Variants in FEM1A observed in about 807,000 individuals in gnomAD.
FEM1A encodes the protein fem-1 homolog A.
Under a neutral mutation model 0.7 loss-of-function variants are expected in FEM1A, and 1 was observed. The observed-to-expected ratio is 1.35, with a 90% CI of 0.48 to 6.40. The LOEUF (loss-of-function observed/expected upper bound fraction) is 6.40. FEM1A is among the 30% of genes most tolerant of loss of function. The pLI is 0.14. For synonymous variants in FEM1A, 391 were observed against 420.6 expected (o/e 0.93, Z 0.86); for missense variants, 721 against 918.7 (o/e 0.78, Z 2.78).
Position 4,792,985 on chromosome 19 carries a change from C to T in FEM1A, c.1131C>T (p.Ile377=). Reference sequence around the variant, plus strand: ...AGATGCGCATGCAGGCCCTGTTGATCCGGGAGCGCATCCTCGGTCCCTCGC... The same window carrying T: ...AGATGCGCATGCAGGCCCTGTTGATTCGGGAGCGCATCCTCGGTCCCTCGC... ...PDEMRMQALL[I]RERILGPSHP... The change falls in exon 1 of 1, where the codon ATC becomes ATT. Residue 377 remains isoleucine (I), a synonymous_variant. Transcript: ENST00000269856. This position sits in a 1 kb window ranked among gnomAD's most constrained non-coding sequence, Gnocchi z 6.7. 2.5e-6 allele frequency: 4 copies of T among 1,612,984 alleles called. No individual in the cohort carries two copies. The highest frequency in any genetic ancestry group is 1.3e-5 in the African/African-American group (1 of 74,980).
In FEM1A at chr19:4,792,457, G is replaced by A. The variant is rs1433954274; in HGVS notation, c.603G>A (p.Leu201=). The change falls in exon 1 of 1, where the codon CTG becomes CTA. Residue 201 remains leucine, a synonymous_variant. Transcript: ENST00000269856. The surrounding 1 kb of genome is among the most constrained non-coding windows in gnomAD (Gnocchi z 6.7). Reference sequence around the variant, plus strand: ...CCGGCAGCCTGGAGATCCTGCAGCTGCTGCTGGGGTGCAAGGCCCGCATGG... The same window carrying A: ...CCGGCAGCCTGGAGATCCTGCAGCTACTGCTGGGGTGCAAGGCCCGCATGG... ...AESGSLEILQ[L]LLGCKARMER... 1.3e-6 allele frequency: 2 copies of A among 1,596,836 alleles called. No individual in the cohort carries two copies. Among genetic ancestry groups the A allele is most frequent in the Non-Finnish European group, 1.7e-6 (2 of 1,179,624 alleles).
At position 4,795,095 on chromosome 19, in the gene FEM1A, C is replaced by A. The variant is rs2093559590; in HGVS notation, c.*1231C>A. The A allele has an allele frequency of 6.0e-6, 1 of 167,120 alleles. No individual in the cohort carries two copies. Among genetic ancestry groups the A allele is most frequent in the Non-Finnish European group, 1.5e-5 (1 of 68,154 alleles). 10.4% of individuals were successfully genotyped at this position (167,120 alleles called of 1,614,324 possible). ...GACGTCGAGTGCCAAGACCAGCCTT[C>A]CAGCCGAGGTTTGGACAAAGTCTCA... is the stretch of plus-strand genomic sequence containing the variant. On this transcript the variant is annotated 3_prime_UTR_variant, in exon 1 of 1. Transcript: ENST00000269856.
chr19:4,792,376 C>T lies in FEM1A; in HGVS notation c.522C>T (p.Ala174=). 1 of 1,595,168 alleles carries T rather than the reference C, an allele frequency of 6.3e-7. No individual in the cohort carries two copies. Among genetic ancestry groups the T allele is most frequent in the African/African-American group, 1.3e-5 (1 of 74,980 alleles). Residue 174 remains alanine (A), a synonymous_variant, in exon 1 of 1, where the codon GCC becomes GCT. Transcript: ENST00000269856. The surrounding 1 kb of genome is among the most constrained non-coding windows in gnomAD (Gnocchi z 6.7). ...CCCGCTACCTGCTGGAGCAGGGCGC[C>T]CAGGTGAACCGGCGCAGCGCCAAGG... ...EIARYLLEQG[A]QVNRRSAKGN... is the part of the protein sequence containing the mutation.
chr19:4,793,898 C>T lies in FEM1A; in HGVS notation c.*34C>T, dbSNP rs1447344825. 6.4e-7 allele frequency: 1 copy of T among 1,561,114 alleles called. No homozygotes were observed. Among genetic ancestry groups the T allele is most frequent in the Admixed American group, 1.9e-5 (1 of 52,608 alleles). Reference sequence around the variant, plus strand: ...GAACGCCTGCACCCTCACCTCTCCCCTCTCCTGCTGAGATGGGGGAAATCC... The same window carrying T: ...GAACGCCTGCACCCTCACCTCTCCCTTCTCCTGCTGAGATGGGGGAAATCC... On this transcript the variant is annotated 3_prime_UTR_variant, in exon 1 of 1. Coordinates refer to ENST00000269856, the MANE Select transcript of FEM1A (RefSeq NM_018708.3). The surrounding 1 kb of genome is among the most constrained non-coding windows in gnomAD (Gnocchi z 5.1).
chr19:4,792,558 TCCAGGAGCAGCCCGG>T lies in FEM1A; in HGVS notation c.715_729del (p.Pro239_Gln243del). On this transcript the variant is annotated inframe_deletion, in exon 1 of 1. Transcript: ENST00000269856. This position sits in a 1 kb window ranked among gnomAD's most constrained non-coding sequence, Gnocchi z 6.7. ...CACACCAACATCGTGGAGTACCTCA[TCCAGGAGCAGCCCGG>T]CCAGGAGCAGGTCGCAGGGGGAGAG... 2 of 1,605,402 alleles carry T rather than the reference TCCAGGAGCAGCCCGG, an allele frequency of 1.2e-6. No individual in the cohort carries two copies. Among genetic ancestry groups the T allele is most frequent in the South Asian group, 2.2e-5 (2 of 90,974 alleles).
Position 4,792,753 on chromosome 19 carries a change from C to T in FEM1A, c.899C>T (p.Ala300Val). ...CPTSREAAVE[A>V]LELLGATYVD... The stretch of plus-strand genomic sequence containing the variant: ...ACCAGCCGGGAAGCTGCCGTGGAAG[C>T]CTTGGAATTGCTGGGAGCTACGTAT... The change falls in exon 1 of 1, where the codon GCC becomes GTC. Residue 300 changes from alanine (A) to valine (V), a missense_variant. Ala to Val is a moderately conservative substitution (Grantham distance 64, BLOSUM62 0). Transcript: ENST00000269856. The surrounding 1 kb of genome is among the most constrained non-coding windows in gnomAD (Gnocchi z 6.7). 6.2e-7 allele frequency: 1 copy of T among 1,612,112 alleles called. No homozygotes were observed. Among genetic ancestry groups the T allele is most frequent in the Non-Finnish European group, 8.5e-7 (1 of 1,179,902 alleles).
At position 4,792,154 on chromosome 19, in the gene FEM1A, G is replaced by C. The variant is rs759074958; in HGVS notation, c.300G>C (p.Arg100=). Residue 100 remains arginine (R), a synonymous_variant, in exon 1 of 1, where the codon CGG becomes CGC. Coordinates refer to ENST00000269856, the MANE Select transcript of FEM1A (RefSeq NM_018708.3). This position sits in a 1 kb window ranked among gnomAD's most constrained non-coding sequence, Gnocchi z 6.7. Reference sequence around the variant, plus strand: ...CAGCCGGCCACCTGGACGTGGTGCGGAGCCTGCTGCGCCGCGGGGCCTCGG... The same window carrying C: ...CAGCCGGCCACCTGGACGTGGTGCGCAGCCTGCTGCGCCGCGGGGCCTCGG... The part of the protein sequence containing the change: ...ASAAGHLDVV[R]SLLRRGASVN... The C allele has an allele frequency of 6.6e-7, 1 of 1,517,510 alleles. No homozygotes were observed. Among genetic ancestry groups the C allele is most frequent in the African/African-American group, 1.4e-5 (1 of 71,886 alleles). 94.0% of individuals were successfully genotyped at this position (1,517,510 alleles called of 1,614,324 possible). A position where few individuals can be genotyped will look rare whatever the true frequency, so the allele number is the denominator to read the frequency against.
rs909745214 is a variant in FEM1A at position 4,799,534 on chromosome 19, G to C, written c.*5670G>C. The C allele has an allele frequency of 2.0e-5, 3 of 152,392 alleles. No homozygotes were observed. The highest frequency in any genetic ancestry group is 4.8e-5 in the African/African-American group (2 of 41,444). The allele number at this position is 152,392 out of a possible 1,614,324, so 9.4% of individuals were successfully genotyped here. On this transcript the variant is annotated 3_prime_UTR_variant, in exon 1 of 1. Transcript: ENST00000269856. ...ATGACCCAATCCTAGTAGCCCAGGA[G>C]TGGGATGTGCCAATTGGCTTGGCCT...
chr19:4,792,876 C>G lies in FEM1A; in HGVS notation c.1022C>G (p.Pro341Arg). ...QGGEYLPKPE[P>R]PQLVLAYDYS... is the part of the protein sequence containing the mutation. ...GGCGAGTACCTGCCCAAACCGGAGC[C>G]CCCACAGCTGGTCCTGGCCTATGAC... The change falls in exon 1 of 1, where the codon CCC becomes CGC. Residue 341 changes from proline (P) to arginine (R), a missense_variant. Transcript: ENST00000269856. The surrounding 1 kb of genome is among the most constrained non-coding windows in gnomAD (Gnocchi z 6.7). 1 of 1,612,302 alleles carries G rather than the reference C, an allele frequency of 6.2e-7. No individual in the cohort carries two copies. Among genetic ancestry groups the G allele is most frequent in the Non-Finnish European group, 8.5e-7 (1 of 1,180,004 alleles).
rs1170134854 is a variant in FEM1A, at chr19:4,791,824, G to T, written c.-31G>T. 2.1e-6 allele frequency: 3 copies of T among 1,454,910 alleles called. No homozygotes were observed. Among genetic ancestry groups the T allele is most frequent in the African/African-American group, 3.0e-5 (2 of 67,644 alleles). The allele number at this position is 1,454,910 out of a possible 1,614,324, so 90.1% of individuals were successfully genotyped here. ...TCCTCCGTCTCCCCGTCCCCCGGCGGCCGGCCCATGGCCTGGCGGAGGCCC... is the reference window on the plus strand; with the variant it reads ...TCCTCCGTCTCCCCGTCCCCCGGCGTCCGGCCCATGGCCTGGCGGAGGCCC... On this transcript the variant is annotated 5_prime_UTR_variant, in exon 1 of 1. Transcript: ENST00000269856.
At position 4,794,091 on chromosome 19, in the gene FEM1A, C is replaced by T. The variant is rs2093558211; in HGVS notation, c.*227C>T. 1.8e-6 allele frequency: 1 copy of T among 552,974 alleles called. No individual in the cohort carries two copies. The highest frequency in any genetic ancestry group is 3.3e-6 in the Non-Finnish European group (1 of 300,984). 34.3% of individuals were successfully genotyped at this position (552,974 alleles called of 1,614,324 possible). On this transcript the variant is annotated 3_prime_UTR_variant, in exon 1 of 1. Coordinates refer to ENST00000269856, the MANE Select transcript of FEM1A (RefSeq NM_018708.3). Reference sequence around the variant, plus strand: ...TAAGAGGACAGTCTTTCTCCGGGAGCCCGCTCACTCATTCTGAGTTAGGAA... The same window carrying T: ...TAAGAGGACAGTCTTTCTCCGGGAGTCCGCTCACTCATTCTGAGTTAGGAA...
rs1468139123 is a variant in FEM1A at position 4,793,091 on chromosome 19, T to G, written c.1237T>G (p.Trp413Gly). Residue 413 changes from tryptophan to glycine, a missense_variant, in exon 1 of 1, where the codon TGG becomes GGG. By Grantham distance (184) the Trp-to-Gly change is radical. Coordinates refer to ENST00000269856, the MANE Select transcript of FEM1A (RefSeq NM_018708.3). The surrounding 1 kb of genome is among the most constrained non-coding windows in gnomAD (Gnocchi z 5.1). ...SGNFERCIRL[W>G]KYALDMQQSN... ...CAATTTCGAGCGCTGCATCCGCTTG[T>G]GGAAGTACGCCCTGGACATGCAACA... 13 of 1,613,584 alleles carry G rather than the reference T, an allele frequency of 8.1e-6. No homozygotes were observed. The highest frequency in any genetic ancestry group is 1.1e-5 in the Non-Finnish European group (13 of 1,180,012).
rs753360313 is a variant in FEM1A, at chr19:4,792,268, G to A, written c.414G>A (p.Glu138=). 3 of 1,554,638 alleles carry A rather than the reference G, an allele frequency of 1.9e-6. No homozygotes were observed. Among genetic ancestry groups the A allele is most frequent in the Middle Eastern group, 2.3e-4 (1 of 4,348 alleles). ...AGGTGGTGCGCTACCTGGTCGGCGAGCACCAGGCCGACCTGGAGGTGGCCA... is the reference window on the plus strand; with the variant it reads ...AGGTGGTGCGCTACCTGGTCGGCGAACACCAGGCCGACCTGGAGGTGGCCA... ...HLEVVRYLVG[E]HQADLEVANR... is the part of the protein sequence containing the mutation. The change falls in exon 1 of 1, where the codon GAG becomes GAA. Residue 138 remains glutamate (E), a synonymous_variant. Transcript: ENST00000269856. The surrounding 1 kb of genome is among the most constrained non-coding windows in gnomAD (Gnocchi z 6.7).
chr19:4,795,407 AT>A lies in FEM1A; in HGVS notation c.*1545del, dbSNP rs2093560057. ...TTTTTTTTTTTTGCCGTGTTAGGAA[AT>A]TATTTATTAATTTACAAGACAGGTT... On this transcript the variant is annotated 3_prime_UTR_variant, in exon 1 of 1. Coordinates refer to ENST00000269856, the MANE Select transcript of FEM1A (RefSeq NM_018708.3). 6.1e-6 allele frequency: 1 copy of A among 163,496 alleles called. No individual in the cohort carries two copies. The highest frequency in any genetic ancestry group is 1.5e-5 in the Non-Finnish European group (1 of 67,432). The allele number at this position is 163,496 out of a possible 1,614,324, so 10.1% of individuals were successfully genotyped here. A position where few individuals can be genotyped will look rare whatever the true frequency, so the allele number is the denominator to read the frequency against.
In FEM1A at chr19:4,798,005, C is replaced by A. The variant is rs970011902; in HGVS notation, c.*4141C>A. 6.6e-6 allele frequency: 1 copy of A among 151,408 alleles called. No individual in the cohort carries two copies. The highest frequency in any genetic ancestry group is 1.5e-5 in the Non-Finnish European group (1 of 67,964). 9.4% of individuals were successfully genotyped at this position (151,408 alleles called of 1,614,324 possible). On this transcript the variant is annotated 3_prime_UTR_variant, in exon 1 of 1. Coordinates refer to ENST00000269856, the MANE Select transcript of FEM1A (RefSeq NM_018708.3). ...ATCCCAGCACTTTGGGAGGCCAAGG[C>A]GGGCGGATCACGAGGTCAGGAGATC... is the stretch of plus-strand genomic sequence containing the variant.
chr19:4,801,139 A>G lies in FEM1A; in HGVS notation c.*7275A>G, dbSNP rs567168234. ...CCCTCCCTCCACCCTGTGCCTTGAT[A>G]TCTCCTATTAAAGCTTGTGTTTGAA... On this transcript the variant is annotated 3_prime_UTR_variant, in exon 1 of 1. Coordinates refer to ENST00000269856, the MANE Select transcript of FEM1A (RefSeq NM_018708.3). 1 of 152,142 alleles carries G rather than the reference A, an allele frequency of 6.6e-6. No individual in the cohort carries two copies. The highest frequency in any genetic ancestry group is 1.5e-5 in the Non-Finnish European group (1 of 68,030). The allele number at this position is 152,142 out of a possible 1,614,324, so 9.4% of individuals were successfully genotyped here.
Position 4,800,834 on chromosome 19 carries a change from A to C in FEM1A, c.*6970A>C, listed in dbSNP as rs2146156537. The C allele has an allele frequency of 6.6e-6, 1 of 152,116 alleles. No homozygotes were observed. The highest frequency in any genetic ancestry group is 2.4e-5 in the African/African-American group (1 of 41,562). 9.4% of individuals were successfully genotyped at this position (152,116 alleles called of 1,614,324 possible). On this transcript the variant is annotated 3_prime_UTR_variant, in exon 1 of 1. Transcript: ENST00000269856. Reference sequence around the variant, plus strand: ...CATCACAGGCCGAAAAGGCCAGATGACCCACCAGGGACATTGAATCCGTGT... The same window carrying C: ...CATCACAGGCCGAAAAGGCCAGATGCCCCACCAGGGACATTGAATCCGTGT...
Position 4,793,287 on chromosome 19 carries a change from C to T in FEM1A, c.1433C>T (p.Ala478Val). ...LTKGVREVER[A>V]LQLPREPGDS... The stretch of plus-strand genomic sequence containing the variant: ...AAAGGGGTCCGGGAAGTGGAACGGG[C>T]CCTGCAGCTGCCCAGGGAGCCCGGA... Residue 478 changes from alanine to valine, a missense_variant, in exon 1 of 1, where the codon GCC becomes GTC. Coordinates refer to ENST00000269856, the MANE Select transcript of FEM1A (RefSeq NM_018708.3). The surrounding 1 kb of genome is among the most constrained non-coding windows in gnomAD (Gnocchi z 5.1). 6.2e-7 allele frequency: 1 copy of T among 1,613,162 alleles called. No homozygotes were observed. Among genetic ancestry groups the T allele is most frequent in the South Asian group, 1.1e-5 (1 of 91,070 alleles).
At position 4,792,641 on chromosome 19, in the gene FEM1A, G is replaced by T. The variant is rs781087489; in HGVS notation, c.787G>T (p.Gly263Trp). The T allele has an allele frequency of 3.7e-6, 6 of 1,612,076 alleles. No homozygotes were observed. The South Asian group carries it at 5.5e-5, about 15-fold the overall frequency. Reference protein sequence around the residue: ...LPQEDPSTSQGCAQPQGAPCC... With the variant: ...LPQEDPSTSQWCAQPQGAPCC... ...CCAAGAAGACCCCTCCACCAGCCAGGGGTGTGCGCAGCCTCAGGGGGCTCC... is the reference window on the plus strand; with the variant it reads ...CCAAGAAGACCCCTCCACCAGCCAGTGGTGTGCGCAGCCTCAGGGGGCTCC... Residue 263 changes from glycine to tryptophan, a missense_variant, in exon 1 of 1, where the codon GGG becomes TGG. By Grantham distance (184) the Gly-to-Trp change is radical (BLOSUM62 -2). This residue lies in a region of FEM1A where 137 missense variants were observed against 121.7 expected (regional missense o/e 1.13). Transcript: ENST00000269856. The surrounding 1 kb of genome is among the most constrained non-coding windows in gnomAD (Gnocchi z 6.7).
Sources: allele counts gnomAD v4.1 joint callset, GRCh38; gene constraint gnomAD v4.1.1; regional missense constraint gnomAD v4.1.1; non-coding constraint Gnocchi (gnomAD v3.1); transcripts MANE v1.5; gene names NCBI Gene and HGNC (gene_info 2026-07-23, HGNC 2026-07-21).